Variants in CDC73 observed in about 807,000 individuals in gnomAD.
CDC73 encodes the protein cell division cycle 73.
A neutral mutation model predicts 83.7 loss-of-function variants in CDC73; 21 were observed. The observed-to-expected ratio is 0.25, with a 90% CI of 0.18 to 0.36. The LOEUF is 0.36. CDC73 is among the 10% of genes least tolerant of loss of function. The probability of loss-of-function intolerance (pLI) is 1.00; values close to 1 mark genes in which losing one functional copy is unlikely to be tolerated. For synonymous variants in CDC73, 224 were observed against 212.9 expected (o/e 1.05, Z -0.45); for missense variants, 342 against 653.3 (o/e 0.52, Z 5.19).
In CDC73 at chr1:193,124,981, G is replaced by T. The variant is rs1675538074; in HGVS notation, c.132-131G>T. 5 of 688,382 alleles carry T rather than the reference G, an allele frequency of 7.3e-6. No homozygotes were observed. In the South Asian group the frequency reaches 7.9e-5, roughly 11 times the overall value. 42.6% of individuals were successfully genotyped at this position (688,382 alleles called of 1,614,324 possible). On this transcript the variant is annotated intron_variant, in intron 1 of 16. Coordinates refer to ENST00000367435, the MANE Select transcript of CDC73 (RefSeq NM_024529.5). ...GATCATGACAGTCTATTCATTATTA[G>T]ATTTTATACTTTTTTTTTGTTAGCT...
At chr1:193,158,902 C>T (rs1054726711) in intron 10 of CDC73, among the ~76,000 whole-genome samples, 1 of 152,048 alleles carries the variant, frequency 6.6e-6, no homozygotes, top group Non-Finnish European at 1.5e-5. Context: ...GTTACATGAA[C>T]ATATTATGTG....
intron 5 of CDC73, among the ~76,000 whole-genome samples, chr1:193,137,693 G>GA (rs1206802888): frequency 5.3e-5 from 8 of 150,072 alleles, no homozygotes; most frequent in Middle Eastern, 3.4e-3. Flanking sequence ...AGCAACAGAT[G>GA]AAAAAAAAAT....
intron 10 of CDC73, among the ~76,000 whole-genome samples, chr1:193,162,247 A>ATT (rs1214386826): frequency 3.5e-4 from 33 of 93,880 alleles, no homozygotes; most frequent in Admixed American, 6.8e-4. Flanking sequence ...TATAATATAT[A>ATT]ATAAATATAG....
chr1:193,177,736 T>A (rs1486718391), intron 10 of CDC73, among the ~76,000 whole-genome samples: 1 of 152,172 alleles, frequency 6.6e-6, no homozygotes. Context: ...CTACTGCTGT[T>A]ACTGGTATTA....
intron 8 of CDC73, among the ~76,000 whole-genome samples, chr1:193,149,073 GATAA>G (rs1256094041): frequency 6.6e-6 from 1 of 152,104 alleles, no homozygotes; most frequent in Non-Finnish European, 1.5e-5. Context: ...TTGATAATTA[GATAA>G]ATACTTTTAG....
chr1:193,191,940 C>G (rs912029263), intron 10 of CDC73, among the ~76,000 whole-genome samples: 6 of 152,158 alleles, frequency 3.9e-5, no homozygotes, highest in Non-Finnish European at 8.8e-5. Context: ...TCTCCATTCT[C>G]TGCAAACCCA....
intron 10 of CDC73, among the ~76,000 whole-genome samples, chr1:193,171,347 A>G (rs1213957038): frequency 6.6e-6 from 1 of 152,174 alleles, no homozygotes; most frequent in Non-Finnish European, 1.5e-5. Context: ...GCTTAGGGAG[A>G]GGCCTCCACT....
chr1:193,182,919 C>G (rs954734348), intron 10 of CDC73, among the ~76,000 whole-genome samples: 2 of 151,928 alleles, frequency 1.3e-5, no homozygotes, highest in African/African-American at 4.8e-5. Flanking sequence ...ATGAAAATTA[C>G]TTCTTTAAGC....
chr1:193,183,436 G>T (rs557355827), intron 10 of CDC73, among the ~76,000 whole-genome samples: 1 of 147,672 alleles, frequency 6.8e-6, no homozygotes, highest in South Asian at 2.2e-4. Context: ...CTATTTGTTA[G>T]AATTTGTTTA....
chr1:193,230,150 T>G (rs1677635960), intron 13 of CDC73, among the ~76,000 whole-genome samples: 1 of 150,832 alleles, frequency 6.6e-6, no homozygotes, highest in East Asian at 1.9e-4. Flanking sequence ...ATTCTTTTTT[T>G]TTTTTTTTTT....
intron 9 of CDC73, among the ~76,000 whole-genome samples, chr1:193,150,649 T>C (rs1455942485): frequency 1.3e-5 from 2 of 152,210 alleles, no homozygotes; most frequent in African/African-American, 4.8e-5. Context: ...AAAAATATTA[T>C]CTGGCCCTTT....
chr1:193,251,435 G>A lies in CDC73; in HGVS notation c.*723G>A, dbSNP rs1205751794. 2 of 231,906 alleles carry A rather than the reference G, an allele frequency of 8.6e-6. No homozygotes were observed. Among genetic ancestry groups the A allele is most frequent in the African/African-American group, 2.2e-5 (1 of 45,250 alleles). The allele number at this position is 231,906 out of a possible 1,614,324, so 14.4% of individuals were successfully genotyped here. A position where few individuals can be genotyped will look rare whatever the true frequency, so the allele number is the denominator to read the frequency against. ...ACACAGATTAAAACCACAATAGGCT[G>A]TAGTATTTTTTATTTTGGGAGCCAG... On this transcript the variant is annotated 3_prime_UTR_variant, in exon 17 of 17. Transcript: ENST00000367435.
At chr1:193,218,415 A>T (rs1352534271) in intron 13 of CDC73, among the ~76,000 whole-genome samples, 1 of 152,232 alleles carries the variant, frequency 6.6e-6, no homozygotes, top group South Asian at 2.1e-4. Context: ...CGAACAAACT[A>T]TTCTAAAATC....
chr1:193,209,726 C>T lies in CDC73; in HGVS notation c.1031-2339C>T, dbSNP rs191489905. On this transcript the variant is annotated intron_variant, in intron 11 of 16. Transcript: ENST00000367435. The stretch of plus-strand genomic sequence containing the variant: ...AACATTTGTGAGTTTTTTTATTTTG[C>T]CTTTTTCTTATATTGGGTCTTCTCA... Among the ~76,000 whole-genome samples, 339 of 152,056 alleles carry T rather than the reference C, an allele frequency of 2.2e-3. 2 individuals are homozygous for T. Among genetic ancestry groups the T allele is most frequent in the Non-Finnish European group, 3.8e-3 (255 of 67,986 alleles).
At chr1:193,167,348 G>T (rs1676450419) in intron 10 of CDC73, among the ~76,000 whole-genome samples, 1 of 152,070 alleles carries the variant, frequency 6.6e-6, no homozygotes, top group Non-Finnish European at 1.5e-5. Context: ...TAATTCCTCA[G>T]CCACTTCAAA....
At chr1:193,241,913 T>C (rs2102066988) in intron 15 of CDC73, among the ~76,000 whole-genome samples, 1 of 152,272 alleles carries the variant, frequency 6.6e-6, no homozygotes, top group African/African-American at 2.4e-5. Context: ...GTCCTGCTGC[T>C]GGGGAGAGCA....
intron 10 of CDC73, among the ~76,000 whole-genome samples, chr1:193,192,638 C>G (rs111251268): frequency 1.3e-3 from 194 of 152,252 alleles, no homozygotes; most frequent in African/African-American, 4.4e-3. Context: ...GGGGTCTGAC[C>G]TACAGAACCA....
intron 10 of CDC73, chr1:193,181,328 G>T: frequency 5.6e-6 from 9 of 1,614,082 alleles, no homozygotes; most frequent in Non-Finnish European, 6.8e-6. Flanking sequence ...ATGTTCCGAA[G>T]GGAGCTGTGG....
In CDC73 at chr1:193,252,290, T is replaced by C. The variant is rs919703138; in HGVS notation, c.*1578T>C. On this transcript the variant is annotated 3_prime_UTR_variant, in exon 17 of 17. Coordinates refer to ENST00000367435, the MANE Select transcript of CDC73 (RefSeq NM_024529.5). Reference sequence around the variant, plus strand: ...AGATAAAAGAAAACTCAAATTTGTTTACATTAGGCTTTCTTAGCATATAAA... The same window carrying C: ...AGATAAAAGAAAACTCAAATTTGTTCACATTAGGCTTTCTTAGCATATAAA... The C allele has an allele frequency of 1.2e-4, 28 of 230,472 alleles. 1 individual carries two copies. The allele number at this position is 230,472 out of a possible 1,614,324, so 14.3% of individuals were successfully genotyped here.
Sources: gnomAD v4.1 joint callset for allele counts (sites outside exome capture counted in the v4.1 genomes callset) on GRCh38, gnomAD v4.1.1 for gene constraint, MANE v1.5 for transcripts, NCBI Gene and HGNC (gene_info 2026-07-23, HGNC 2026-07-21) for gene names.